The following NUS1 variants were observed in gnomAD, a reference collection of about 807,000 sequenced individuals.
NUS1 encodes the protein dehydrodolichyl diphosphate synthase complex subunit NUS1.
For missense variants in NUS1, 292 were observed against 382.9 expected (o/e 0.76, Z 1.98); for synonymous variants, 135 against 155.2 (o/e 0.87, Z 0.97).
chr6:117,691,552 G>GATATATATATATATATAT (rs1236328961), intron 1 of NUS1, among the ~76,000 whole-genome samples: 26 of 37,538 alleles, frequency 6.9e-4, no homozygotes, highest in South Asian at 4.9e-3. Context: ...CTGTGCCATA[G>GATATATATATATATATAT]ATATAGATAT....
intron 1 of NUS1, among the ~76,000 whole-genome samples, chr6:117,685,957 G>A (rs1158198436): frequency 6.9e-6 from 1 of 144,282 alleles, no homozygotes; most frequent in Non-Finnish European, 1.5e-5. Flanking sequence ...GTGATACTCC[G>A]TCTCATTAAA....
intron 2 of NUS1, among the ~76,000 whole-genome samples, chr6:117,693,471 A>G (rs955673714): frequency 2.0e-5 from 3 of 152,144 alleles, no homozygotes; most frequent in Non-Finnish European, 4.4e-5. Flanking sequence ...TGTTCTATGG[A>G]GTGAGGAAAG....
chr6:117,686,992 T>C (rs1262468671), intron 1 of NUS1, among the ~76,000 whole-genome samples: 1 of 152,068 alleles, frequency 6.6e-6, no homozygotes, highest in Non-Finnish European at 1.5e-5. Context: ...TTATGAGTTA[T>C]TAGGAATCAT....
chr6:117,682,150 C>T (rs939854461), intron 1 of NUS1, among the ~76,000 whole-genome samples: 2 of 151,870 alleles, frequency 1.3e-5, no homozygotes, highest in Non-Finnish European at 2.9e-5. Context: ...CTTGTAAGTT[C>T]ATCCTAACTA....
chr6:117,683,263 C>G (rs1354974978), intron 1 of NUS1, among the ~76,000 whole-genome samples: 1 of 152,146 alleles, frequency 6.6e-6, no homozygotes, highest in African/African-American at 2.4e-5. Flanking sequence ...CTTACTACAG[C>G]ACTGCAGTAT....
intron 1 of NUS1, among the ~76,000 whole-genome samples, chr6:117,680,509 T>C (rs967883584): frequency 1.3e-5 from 2 of 152,230 alleles, no homozygotes; most frequent in Admixed American, 6.5e-5. Flanking sequence ...AAAACCTGTC[T>C]GTGGACCATC....
chr6:117,701,370 G>A (rs756225896), intron 3 of NUS1, among the ~76,000 whole-genome samples: 5 of 150,212 alleles, frequency 3.3e-5, no homozygotes, highest in East Asian at 2.0e-4. Flanking sequence ...TCAGCCTCCC[G>A]AGTAGCTGGG....
chr6:117,704,621 G>A (rs1773475873), intron 4 of NUS1, among the ~76,000 whole-genome samples: 1 of 152,146 alleles, frequency 6.6e-6, no homozygotes, highest in African/African-American at 2.4e-5. Context: ...AGACATAGTA[G>A]CCTTAAAATA....
intron 3 of NUS1, among the ~76,000 whole-genome samples, chr6:117,702,467 C>CT (rs1481520785): frequency 5.3e-5 from 8 of 151,450 alleles, no homozygotes; most frequent in East Asian, 1.9e-4. Context: ...AAAGCTCTAG[C>CT]TTTTTTTTTG....
At chr6:117,677,721 C>T (rs1407258181) in intron 1 of NUS1, among the ~76,000 whole-genome samples, 3 of 152,144 alleles carry the variant, frequency 2.0e-5, no homozygotes, top group African/African-American at 7.2e-5. Context: ...ATGATTTGCC[C>T]TATAGGGTAA....
intron 2 of NUS1, 122 bp downstream of exon 2, chr6:117,693,289 A>T: frequency 1.0e-6 from 1 of 990,954 alleles, no homozygotes; most frequent in Non-Finnish European, 1.5e-6. Context: ...TATTGTCAAC[A>T]TCTTTAATCA....
At chr6:117,680,236 AT>A (rs1168590008) in intron 1 of NUS1, among the ~76,000 whole-genome samples, 1 of 152,212 alleles carries the variant, frequency 6.6e-6, no homozygotes, top group Non-Finnish European at 1.5e-5. Context: ...TGAGTTCAGA[AT>A]TCTAGCGAGA....
At position 117,707,134 on chromosome 6, in the gene NUS1, A is replaced by G. The variant is rs1236306033; in HGVS notation, c.*119A>G. On this transcript the variant is annotated 3_prime_UTR_variant, in exon 5 of 5. Coordinates refer to ENST00000368494, the MANE Select transcript of NUS1 (RefSeq NM_138459.5). ...ACCTAGTTCATAATCCTCATAATTT[A>G]TCAACAAACACAAAAAAGTGTCTTA... 2.3e-6 allele frequency: 2 copies of G among 867,310 alleles called. No individual in the cohort carries two copies. The highest frequency in any genetic ancestry group is 1.7e-5 in the African/African-American group (1 of 59,326). 53.7% of individuals were successfully genotyped at this position (867,310 alleles called of 1,614,324 possible).
chr6:117,695,193 CAAAAAAAAA>C (rs58136219), intron 3 of NUS1, among the ~76,000 whole-genome samples: 54 of 55,246 alleles, frequency 9.8e-4, no homozygotes, highest in East Asian at 3.9e-3. Flanking sequence ...GACCCTGTCT[CAAAAAAAAA>C]AAAAAAAAAA....
chr6:117,695,728 G>A (rs972619382), intron 3 of NUS1, among the ~76,000 whole-genome samples: 1 of 152,054 alleles, frequency 6.6e-6, no homozygotes, highest in African/African-American at 2.4e-5. Flanking sequence ...CCCCACTCCT[G>A]CCCCCTAAAC....
At chr6:117,680,847 G>T (rs4330560) in intron 1 of NUS1, among the ~76,000 whole-genome samples, 120,828 of 151,622 alleles carry the variant, frequency 0.8, 48,411 homozygotes, top group Non-Finnish European at 0.85. Context: ...AATTTTTTTT[G>T]TGTGCTGCTC....
At chr6:117,695,062 C>T (rs1384760458) in intron 3 of NUS1, among the ~76,000 whole-genome samples, 1 of 151,770 alleles carries the variant, frequency 6.6e-6, no homozygotes, top group Non-Finnish European at 1.5e-5. Flanking sequence ...GGCATGGTGG[C>T]TCACGCCTGT....
intron 4 of NUS1, among the ~76,000 whole-genome samples, chr6:117,705,703 A>G (rs986247973): frequency 1.3e-5 from 2 of 152,098 alleles, no homozygotes; most frequent in South Asian, 2.1e-4. Context: ...TAGTGGCACT[A>G]TATTGAAGAG....
At chr6:117,684,822 A>G (rs1343169075) in intron 1 of NUS1, among the ~76,000 whole-genome samples, 3 of 152,332 alleles carry the variant, frequency 2.0e-5, no homozygotes, top group South Asian at 4.1e-4. Context: ...ACAGCAAAAA[A>G]CTTTTTGTTT....
Sources: gnomAD v4.1 joint callset for allele counts (sites outside exome capture counted in the v4.1 genomes callset) on GRCh38, gnomAD v4.1.1 for gene constraint, MANE v1.5 for transcripts, NCBI Gene and HGNC (gene_info 2026-07-23, HGNC 2026-07-21) for gene names.